Variants in DNAH3 observed in about 807,000 individuals in gnomAD.
The protein encoded by DNAH3 is dynein axonemal heavy chain 3, also known as axonemal beta dynein heavy chain 3.
In DNAH3, 332 loss-of-function variants were observed where a neutral mutation model predicts 432.5. The observed-to-expected ratio is 0.77, with a 90% CI of 0.70 to 0.84. The LOEUF is 0.84. Among genes scored for constraint, DNAH3 ranks in the 40% least tolerant of loss-of-function variants. The pLI is 0.00. For missense variants in DNAH3, 4,861 were observed against 5,114.0 expected, an observed-to-expected ratio of 0.95 and a Z score of 1.51; for synonymous variants, 1,956 against 1,900.2, an observed-to-expected ratio of 1.03 and a Z score of -0.76.
chr16:21,085,778 C>G (rs1305587508), intron 19 of DNAH3, among the ~76,000 whole-genome samples: 1 of 151,836 alleles, frequency 6.6e-6, no homozygotes, highest in Admixed American at 6.6e-5. Flanking sequence ...TTTCCTCAGT[C>G]TTATACGTGG....
chr16:21,054,560 C>A (rs753468116), intron 27 of DNAH3, 26 bp from the exon 28 acceptor site: 8 of 1,552,248 alleles, frequency 5.2e-6, no homozygotes, highest in Non-Finnish European at 7.1e-6. Flanking sequence ...GAGGGGACAA[C>A]TGGTTACATT....
intron 20 of DNAH3, among the ~76,000 whole-genome samples, chr16:21,079,937 G>T (rs965120254): frequency 6.6e-6 from 1 of 152,240 alleles, no homozygotes; most frequent in African/African-American, 2.4e-5. Flanking sequence ...TGCAGTATGA[G>T]TGGGGAATTC....
chr16:21,088,244 G>C (rs8059552), intron 18 of DNAH3, among the ~76,000 whole-genome samples: 12,028 of 152,130 alleles, frequency 0.079, 741 homozygotes, highest in East Asian at 0.18. Context: ...TATTGTAGGT[G>C]CTGGGCTAGA....
exon 23 of DNAH3, chr16:21,069,520 G>A (rs1020001936): frequency 6.2e-7 from 1 of 1,613,892 alleles, no homozygotes; most frequent in Admixed American, 1.7e-5. Flanking sequence ...TTGGTTCCAG[G>A]TACAGCCAGG....
At chr16:21,047,384 C>A (rs1205559000) in intron 31 of DNAH3, among the ~76,000 whole-genome samples, 2 of 150,746 alleles carry the variant, frequency 1.3e-5, no homozygotes, top group African/African-American at 2.4e-5. Flanking sequence ...TCTTTTTATT[C>A]TTTTTTCTCT....
In DNAH3 at chr16:21,049,839, T is replaced by C. The variant is rs1351873490; in HGVS notation, c.4347+71A>G. 7 of 1,409,646 alleles carry C rather than the reference T, an allele frequency of 5.0e-6. No individual in the cohort carries two copies. The East Asian group carries it at 1.1e-4, about 23-fold the overall frequency. 87.3% of individuals were successfully genotyped at this position (1,409,646 alleles called of 1,614,324 possible). On this transcript the variant is annotated intron_variant, in intron 30 of 61. Coordinates refer to ENST00000261383, the Ensembl canonical transcript of DNAH3. ...TAATGCTAAACCATCTTAAAGTTGATGCCTACTTCCCACAGGAGGGGTGCA... is the reference window on the plus strand; with the variant it reads ...TAATGCTAAACCATCTTAAAGTTGACGCCTACTTCCCACAGGAGGGGTGCA...
chr16:21,087,156 T>C, intron 18 of DNAH3, 96 bp from the exon 19 acceptor site: 1 of 1,047,064 alleles, frequency 9.6e-7, no homozygotes, highest in Non-Finnish European at 1.5e-6. Flanking sequence ...CCTCCTGTCG[T>C]TTGGAGATTG....
chr16:20,971,200 T>C (rs1458339443), intron 51 of DNAH3, among the ~76,000 whole-genome samples: 1 of 152,100 alleles, frequency 6.6e-6, no homozygotes, highest in East Asian at 1.9e-4. Flanking sequence ...TCACTTTTTT[T>C]TTTTCTTTTT....
At chr16:21,026,365 T>C (rs1415988606) in intron 38 of DNAH3, among the ~76,000 whole-genome samples, 2 of 152,050 alleles carry the variant, frequency 1.3e-5, no homozygotes, top group African/African-American at 2.4e-5. Flanking sequence ...CGTATGTTCT[T>C]ACTTATAAAT....
intron 60 of DNAH3, among the ~76,000 whole-genome samples, chr16:20,936,229 T>C (rs1465351949): frequency 6.6e-6 from 1 of 152,016 alleles, no homozygotes; most frequent in Non-Finnish European, 1.5e-5. Context: ...CTCGGCTCAC[T>C]GCAACCTCTG....
rs573963996 is a variant in DNAH3 at position 21,028,053 on chromosome 16, T to C, written c.5440-926A>G. Reference sequence around the variant, plus strand: ...CCCAGACTGAAATACAATGACACATTTGCAATCACTCCATCCTCGACCTTT... The same window carrying C: ...CCCAGACTGAAATACAATGACACATCTGCAATCACTCCATCCTCGACCTTT... On this transcript the variant is annotated intron_variant, in intron 37 of 61. Transcript: ENST00000261383. 8.5e-5 allele frequency among the ~76,000 whole-genome samples: 13 copies of C among 152,232 alleles called. No individual in the cohort carries two copies. The East Asian group carries it at 2.5e-3, about 29-fold the overall frequency.
intron 56 of DNAH3, among the ~76,000 whole-genome samples, chr16:20,949,635 G>T (rs942489520): frequency 6.6e-6 from 1 of 152,192 alleles, no homozygotes; most frequent in Non-Finnish European, 1.5e-5. Context: ...TGTTGAGATG[G>T]TGGCAGTAAC....
At chr16:20,983,164 C>T (rs1005879965) in intron 48 of DNAH3, among the ~76,000 whole-genome samples, 2 of 152,170 alleles carry the variant, frequency 1.3e-5, no homozygotes, top group African/African-American at 4.8e-5. Context: ...CTTGCTCTGT[C>T]ACCCAGACTG....
At chr16:21,132,293 G>A (rs764477681) in intron 7 of DNAH3, among the ~76,000 whole-genome samples, 41 of 152,162 alleles carry the variant, frequency 2.7e-4, no homozygotes, top group Non-Finnish European at 5.4e-4. Context: ...CAAAATACAT[G>A]AGCTACTAAT....
At chr16:21,072,881 G>T (rs2090845227) in intron 21 of DNAH3, among the ~76,000 whole-genome samples, 1 of 151,008 alleles carries the variant, frequency 6.6e-6, no homozygotes, top group South Asian at 2.1e-4. Flanking sequence ...AGGGGGTGTT[G>T]CTGTGTTACC....
At chr16:21,037,977 G>A (rs896659486) in exon 34 of DNAH3, 6 of 1,613,798 alleles carry the variant, frequency 3.7e-6, no homozygotes, top group Admixed American at 1.7e-5. Context: ...TCTTCTGGGC[G>A]AGACTAGAAG....
chr16:21,070,910 G>C (rs1311492316), intron 21 of DNAH3, 84 bp from the exon 22 acceptor site: 1 of 871,998 alleles, frequency 1.1e-6, no homozygotes, highest in Admixed American at 1.8e-5. Context: ...ATTTATTTGA[G>C]ACAGGGTCTC....
intron 14 of DNAH3, among the ~76,000 whole-genome samples, chr16:21,108,749 T>G (rs1209134706): frequency 1.3e-4 from 19 of 149,790 alleles, no homozygotes; most frequent in Admixed American, 1.3e-3. Flanking sequence ...TCTCAATTTT[T>G]TAAAAAGTGT....
intron 27 of DNAH3, among the ~76,000 whole-genome samples, chr16:21,056,786 G>T (rs1431351268): frequency 1.3e-5 from 2 of 152,016 alleles, no homozygotes; most frequent in African/African-American, 4.8e-5. Flanking sequence ...GGGAAAACTG[G>T]GGCACATGAA....
Sources: allele counts gnomAD v4.1 joint callset (sites outside exome capture counted in the v4.1 genomes callset), GRCh38; gene constraint gnomAD v4.1.1; transcripts MANE v1.5; gene names NCBI Gene and HGNC (gene_info 2026-07-23, HGNC 2026-07-21).